The following CSMD1 variants were observed in gnomAD, a reference collection of about 807,000 sequenced individuals.
The protein encoded by CSMD1 is CUB and Sushi multiple domains 1, also known as CUB and sushi domain-containing protein 1.
CSMD1 carries 213 observed loss-of-function variants against 417.5 expected under a neutral mutation model. The ratio of observed to expected loss-of-function variants is 0.51; its 90% CI spans 0.46 to 0.57. CSMD1 has a LOEUF of 0.57. CSMD1 is among the 20% of genes least tolerant of loss of function. The pLI is 0.00. For synonymous variants in CSMD1, 2,862 were observed against 1,736.8 expected, an observed-to-expected ratio of 1.65 and a Z score of -16.11; for missense variants, 6,923 against 4,529.7, an observed-to-expected ratio of 1.53 and a Z score of -15.17.
intron 4 of CSMD1, among the ~76,000 whole-genome samples, chr8:4,024,333 C>A (rs1453871870): frequency 6.6e-6 from 1 of 152,072 alleles, no homozygotes; most frequent in Non-Finnish European, 1.5e-5. Context: ...GACAGAAAAC[C>A]AGAAATGGTT....
At chr8:4,098,361 CTATT>C (rs1466660657) in intron 3 of CSMD1, among the ~76,000 whole-genome samples, 1 of 151,918 alleles carries the variant, frequency 6.6e-6, no homozygotes, top group Admixed American at 6.6e-5. Flanking sequence ...TTGATCTTCA[CTATT>C]TTTTTTCTAC....
At chr8:3,989,433 C>T (rs966936356) in intron 5 of CSMD1, among the ~76,000 whole-genome samples, 3 of 152,276 alleles carry the variant, frequency 2.0e-5, no homozygotes, top group East Asian at 1.9e-4. Flanking sequence ...TAGGTAAGAG[C>T]GGCTTCTTAG....
chr8:3,138,811 G>C (rs909226255), intron 41 of CSMD1, among the ~76,000 whole-genome samples: 1 of 152,218 alleles, frequency 6.6e-6, no homozygotes, highest in African/African-American at 2.4e-5. Context: ...TAGCCAGAGA[G>C]ACAGCAGATC....
intron 1 of CSMD1, among the ~76,000 whole-genome samples, chr8:4,766,346 G>A (rs867806111): frequency 1.3e-5 from 2 of 152,290 alleles, no homozygotes; most frequent in East Asian, 1.9e-4. Context: ...CTGGTGTAAG[G>A]TTGTTAGGAC....
intron 3 of CSMD1, among the ~76,000 whole-genome samples, chr8:4,326,234 G>A (rs949212124): frequency 6.6e-6 from 1 of 152,078 alleles, no homozygotes; most frequent in African/African-American, 2.4e-5. Context: ...GAAAACCATT[G>A]GTCTAAGATG....
chr8:4,141,800 T>C (rs1585406157), intron 3 of CSMD1, among the ~76,000 whole-genome samples: 1 of 151,208 alleles, frequency 6.6e-6, no homozygotes, highest in Admixed American at 6.6e-5. Flanking sequence ...TGAACTCTAT[T>C]TTACAATGAC....
intron 5 of CSMD1, among the ~76,000 whole-genome samples, chr8:3,779,660 G>T (rs1348097693): frequency 2.0e-5 from 3 of 152,164 alleles, no homozygotes; most frequent in Non-Finnish European, 2.9e-5. Context: ...TTTATGCAAT[G>T]ATATGACATT....
chr8:3,418,783 C>G (rs1431785629), intron 12 of CSMD1, among the ~76,000 whole-genome samples: 7 of 152,076 alleles, frequency 4.6e-5, no homozygotes, highest in Non-Finnish European at 8.8e-5. Flanking sequence ...AAACTAATGT[C>G]AGACCATAGT....
intron 12 of CSMD1, among the ~76,000 whole-genome samples, chr8:3,455,912 G>C (rs186328587): frequency 2.6e-5 from 4 of 152,202 alleles, no homozygotes; most frequent in African/African-American, 9.7e-5. Flanking sequence ...CCCAGAGGTG[G>C]AGTCTACAGA....
rs975723966 is a variant in CSMD1, at chr8:3,651,648, C to A, written c.1010-34851G>T. On this transcript the variant is annotated intron_variant, in intron 7 of 69. Transcript: ENST00000635120. ...ATCCACTCTATTTTACCTCAGAGCA[C>A]TTAGCAGCAATAGCGTGCTTACTAT... 4.6e-5 allele frequency among the ~76,000 whole-genome samples: 7 copies of A among 152,254 alleles called. No individual in the cohort carries two copies. In the East Asian group the frequency reaches 1.2e-3, roughly 25 times the overall value.
At chr8:3,835,268 C>T (rs1303584748) in intron 5 of CSMD1, among the ~76,000 whole-genome samples, 3 of 151,822 alleles carry the variant, frequency 2.0e-5, no homozygotes, top group South Asian at 4.2e-4. Flanking sequence ...CACATGCACA[C>T]ATATGTTTAC....
At chr8:4,667,975 T>A (rs1303462616) in intron 1 of CSMD1, among the ~76,000 whole-genome samples, 2 of 152,360 alleles carry the variant, frequency 1.3e-5, no homozygotes, top group South Asian at 4.1e-4. Flanking sequence ...TTGCATTTGT[T>A]AAAAATCTAC....
intron 7 of CSMD1, among the ~76,000 whole-genome samples, chr8:3,639,673 G>A (rs1242233738): frequency 1.3e-5 from 2 of 152,180 alleles, no homozygotes; most frequent in Non-Finnish European, 2.9e-5. Flanking sequence ...GTGGAATGAT[G>A]TATGTAAACC....
In CSMD1 at chr8:4,905,627, G is replaced by C. The variant is rs573504564; in HGVS notation, c.85+88705C>G. Reference sequence around the variant, plus strand: ...GAGGTCATGAGATCGAGGCCATCCTGGCTAACACGGTGAAACCCCGTCTCT... The same window carrying C: ...GAGGTCATGAGATCGAGGCCATCCTCGCTAACACGGTGAAACCCCGTCTCT... On this transcript the variant is annotated intron_variant, in intron 1 of 69. Coordinates refer to ENST00000635120, the MANE Select transcript of CSMD1 (RefSeq NM_033225.6). Among the ~76,000 whole-genome samples the C allele has an allele frequency of 9.9e-5, 15 of 151,726 alleles. No homozygotes were observed. In the South Asian group the frequency reaches 1.5e-3, roughly 15 times the overall value.
intron 3 of CSMD1, among the ~76,000 whole-genome samples, chr8:4,052,189 T>C (rs1485187037): frequency 6.6e-6 from 1 of 152,104 alleles, no homozygotes; most frequent in African/African-American, 2.4e-5. Flanking sequence ...CCTCCGAAAG[T>C]GCTGGGGTTA....
chr8:3,115,937 C>G (rs1164635624), intron 42 of CSMD1, among the ~76,000 whole-genome samples: 3 of 152,168 alleles, frequency 2.0e-5, no homozygotes, highest in Non-Finnish European at 2.9e-5. Flanking sequence ...ATAGCAATCA[C>G]TGACCTGAAA....
intron 2 of CSMD1, among the ~76,000 whole-genome samples, chr8:4,609,281 G>T (rs1801044140): frequency 6.6e-6 from 1 of 152,062 alleles, no homozygotes; most frequent in Admixed American, 6.6e-5. Flanking sequence ...TGTGCCTTTG[G>T]TCCCAGCTAC....
At chr8:3,434,976 C>T (rs1165977870) in intron 12 of CSMD1, among the ~76,000 whole-genome samples, 2 of 152,076 alleles carry the variant, frequency 1.3e-5, no homozygotes, top group Non-Finnish European at 2.9e-5. Context: ...CCATTTATCC[C>T]CCCAGGGAGC....
chr8:4,439,318 A>G (rs930171246), intron 2 of CSMD1, among the ~76,000 whole-genome samples: 1 of 152,182 alleles, frequency 6.6e-6, no homozygotes, highest in African/African-American at 2.4e-5. Context: ...TTGGTAATCA[A>G]TACGTTAAAT....
Sources: gnomAD v4.1 joint callset for allele counts (sites outside exome capture counted in the v4.1 genomes callset) on GRCh38, gnomAD v4.1.1 for gene constraint, MANE v1.5 for transcripts, NCBI Gene and HGNC (gene_info 2026-07-23, HGNC 2026-07-21) for gene names.